The following ANKRD11 variants were observed in gnomAD, a reference collection of about 807,000 sequenced individuals.
ANKRD11 encodes ankyrin repeat domain-containing protein 11.
A neutral mutation model predicts 195.7 loss-of-function variants in ANKRD11; 17 were observed. The ratio of observed to expected loss-of-function variants is 0.09; its 90% CI spans 0.06 to 0.13. The LOEUF (loss-of-function observed/expected upper bound fraction) is 0.13, where lower values mean the gene tolerates loss of function less well. Ranked by LOEUF, ANKRD11 falls within the 10% of genes least tolerant of loss-of-function variation. The pLI, the probability that ANKRD11 is intolerant of heterozygous loss-of-function variation, is 1.00. For synonymous variants in ANKRD11, 1,953 were observed against 1,528.1 expected (o/e 1.28, Z -6.49); for missense variants, 3,735 against 3,566.1 (o/e 1.05, Z -1.21).
At chr16:89,377,535 A>G (rs1385920011) in intron 2 of ANKRD11, among the ~76,000 whole-genome samples, 2 of 152,154 alleles carry the variant, frequency 1.3e-5, no homozygotes, top group Admixed American at 6.5e-5. Context: ...CTCAAGAGCT[A>G]AGAGATACCA....
intron 2 of ANKRD11, among the ~76,000 whole-genome samples, chr16:89,406,456 G>T (rs558984016): frequency 6.6e-6 from 1 of 152,188 alleles, no homozygotes; most frequent in African/African-American, 2.4e-5. Context: ...TGAGAAGGCC[G>T]CACGGGCAAA....
intron 4 of ANKRD11, among the ~76,000 whole-genome samples, chr16:89,295,617 A>T (rs2035364102): frequency 6.6e-6 from 1 of 151,892 alleles, no homozygotes; most frequent in South Asian, 2.1e-4. Flanking sequence ...TGCTTTTGGG[A>T]GCTGGAGCCC....
intron 2 of ANKRD11, chr16:89,412,385 C>G (rs1459366353): frequency 6.6e-6 from 1 of 152,354 alleles, no homozygotes; most frequent in African/African-American, 2.4e-5. Flanking sequence ...CGTGCCCCAT[C>G]CCTCCCCTCA....
At position 89,280,394 on chromosome 16, in the gene ANKRD11, T is replaced by TGGAGATGGCGGC. The variant is rs1281100637; in HGVS notation, c.6136_6147dup (p.Ala2046_Ser2049dup). 1 of 1,561,308 alleles carries TGGAGATGGCGGC rather than the reference T, an allele frequency of 6.4e-7. No individual in the cohort carries two copies. Among genetic ancestry groups the TGGAGATGGCGGC allele is most frequent in the East Asian group, 2.3e-5 (1 of 44,260 alleles). ...GGGGCGTAGGGAGCCGCCTCTGAGG[T>TGGAGATGGCGGC]GGAGATGGCGGCGGGGACGGCGTCC... On this transcript the variant is annotated inframe_insertion, in exon 9 of 13. Transcript: ENST00000301030.
Position 89,285,762 on chromosome 16 carries a change from C to G in ANKRD11, c.893-113G>C. On this transcript the variant is annotated intron_variant, in intron 8 of 12. Coordinates refer to ENST00000301030, the MANE Select transcript of ANKRD11 (RefSeq NM_013275.6). The surrounding 1 kb of genome is among the most constrained non-coding windows in gnomAD (Gnocchi z 5.6). ...CTGCGGGAAGGTTCCCACCCTGCCTCTGCAGAGACACTTTGCTCGACTCAT... is the reference window on the plus strand; with the variant it reads ...CTGCGGGAAGGTTCCCACCCTGCCTGTGCAGAGACACTTTGCTCGACTCAT... 3 of 1,247,532 alleles carry G rather than the reference C, an allele frequency of 2.4e-6. No homozygotes were observed. The highest frequency in any genetic ancestry group is 3.5e-6 in the Non-Finnish European group (3 of 862,836). The allele number at this position is 1,247,532 out of a possible 1,614,324, so 77.3% of individuals were successfully genotyped here.
chr16:89,288,275 T>C, intron 7 of ANKRD11: 4 of 659,314 alleles, frequency 6.1e-6, no homozygotes, highest in Non-Finnish European at 1.1e-5. Context: ...CAACCAGACC[T>C]ACACGGCTAG....
At chr16:89,409,310 T>G (rs1366610415) in intron 2 of ANKRD11, among the ~76,000 whole-genome samples, 1 of 152,160 alleles carries the variant, frequency 6.6e-6, no homozygotes, top group Non-Finnish European at 1.5e-5. Flanking sequence ...CCCCACAGGT[T>G]CTAGCACTCC....
chr16:89,418,148 C>T, intron 2 of ANKRD11, 136 bp downstream of exon 2: 3 of 395,504 alleles, frequency 7.6e-6, no homozygotes, highest in Admixed American at 2.6e-5. Context: ...AAATCCAGAA[C>T]AAAATTCACA....
chr16:89,280,848 C>A lies in ANKRD11; in HGVS notation c.5694G>T (p.Leu1898=), dbSNP rs771476134. ...AKPSPSPRAE[L]LVPSLEGALP... Reference sequence around the variant, plus strand: ...GGGCCCCTTCGAGGGAAGGAACCAGCAGCTCGGCTCTGGGGGAAGGGGAAG... The same window carrying A: ...GGGCCCCTTCGAGGGAAGGAACCAGAAGCTCGGCTCTGGGGGAAGGGGAAG... Residue 1898 remains leucine (L), a synonymous_variant, in exon 9 of 13, where the codon CTG becomes CTT. Coordinates refer to ENST00000301030, the MANE Select transcript of ANKRD11 (RefSeq NM_013275.6). 1.1e-4 allele frequency: 173 copies of A among 1,602,720 alleles called. No homozygotes were observed. The highest frequency in any genetic ancestry group is 3.9e-4 in the Admixed American group (23 of 59,402).
At chr16:89,406,064 C>T (rs1329649770) in intron 2 of ANKRD11, among the ~76,000 whole-genome samples, 6 of 146,826 alleles carry the variant, frequency 4.1e-5, no homozygotes, top group Non-Finnish European at 7.4e-5. Context: ...GAACCAAGAT[C>T]GCATAACTGC....
In ANKRD11 at chr16:89,291,379, C is replaced by T. The variant is rs1271787848; in HGVS notation, c.227-196G>A. Reference sequence around the variant, plus strand: ...CGCCCACCTCACCTCTCAGCAGTGACTGTGAGACCATTTAAACACCTCGTT... The same window carrying T: ...CGCCCACCTCACCTCTCAGCAGTGATTGTGAGACCATTTAAACACCTCGTT... On this transcript the variant is annotated intron_variant, in intron 4 of 12. Coordinates refer to ENST00000301030, the MANE Select transcript of ANKRD11 (RefSeq NM_013275.6). The surrounding 1 kb of genome is among the most constrained non-coding windows in gnomAD (Gnocchi z 5.3). 6.6e-6 allele frequency among the ~76,000 whole-genome samples: 1 copy of T among 152,204 alleles called. No individual in the cohort carries two copies. Among genetic ancestry groups the T allele is most frequent in the African/African-American group, 2.4e-5 (1 of 41,442 alleles).
chr16:89,351,067 A>C (rs2039193076), intron 2 of ANKRD11, among the ~76,000 whole-genome samples: 1 of 152,160 alleles, frequency 6.6e-6, no homozygotes, highest in East Asian at 1.9e-4. Flanking sequence ...ACCGCTATTA[A>C]AATTGATGCA....
In ANKRD11 at chr16:89,282,546, G is replaced by C. The variant is rs758348566; in HGVS notation, c.3996C>G (p.Asp1332Glu). 1.2e-6 allele frequency: 2 copies of C among 1,614,004 alleles called. No individual in the cohort carries two copies. The highest frequency in any genetic ancestry group is 1.7e-6 in the Non-Finnish European group (2 of 1,179,966). ...GGAGGCAGGCGCTCTCCCTCGGCTT[G>C]TCGTCTCCAGGTGGCTCCGTGAAAG... ...EVSFTEPPGD[D>E]KPRESACLPE... Residue 1332 changes from aspartate (D) to glutamate (E), a missense_variant, in exon 9 of 13, where the codon GAC (aspartate) becomes GAG (glutamate). Asp to Glu is a conservative substitution (Grantham distance 45). Coordinates refer to ENST00000301030, the MANE Select transcript of ANKRD11 (RefSeq NM_013275.6).
rs569708327 is a variant in ANKRD11 at position 89,428,076 on chromosome 16, C to T, written c.-144-9708G>A. On this transcript the variant is annotated intron_variant, in intron 1 of 12. Transcript: ENST00000301030. ...TACAAAAATTAGCCAGACATGGTGG[C>T]GCGCGCCTGTAATCCCAGCTACTCG... Among the ~76,000 whole-genome samples, 727 of 151,282 alleles carry T rather than the reference C, an allele frequency of 4.8e-3. 10 individuals carry two copies. Among genetic ancestry groups the T allele is most frequent in the Non-Finnish European group, 1.6e-3 (107 of 67,876 alleles).
chr16:89,330,926 T>C (rs2038032227), intron 2 of ANKRD11, among the ~76,000 whole-genome samples: 1 of 152,108 alleles, frequency 6.6e-6, no homozygotes. Context: ...AGGACAAAAA[T>C]TAAAATTTTG....
At chr16:89,377,268 G>GGAGA (rs141718850) in intron 2 of ANKRD11, among the ~76,000 whole-genome samples, 4 of 150,478 alleles carry the variant, frequency 2.7e-5, no homozygotes, top group Middle Eastern at 3.2e-3. Flanking sequence ...TGTCAACATG[G>GGAGA]GAGAGAGAGA....
At chr16:89,345,768 C>T (rs934661298) in intron 2 of ANKRD11, among the ~76,000 whole-genome samples, 37 of 152,096 alleles carry the variant, frequency 2.4e-4, no homozygotes, top group Non-Finnish European at 8.8e-5. Context: ...GCTGTGCACA[C>T]CAGGTACATG....
intron 3 of ANKRD11, among the ~76,000 whole-genome samples, chr16:89,316,022 C>T (rs966225494): frequency 1.3e-5 from 2 of 152,056 alleles, no homozygotes; most frequent in African/African-American, 2.4e-5. Flanking sequence ...CAGGGACCAC[C>T]GAGGGTCAGA....
rs572806100 is a variant in ANKRD11, at chr16:89,283,200, G to A, written c.3342C>T (p.Tyr1114=). The change falls in exon 9 of 13, where the codon TAC becomes TAT. Residue 1114 remains tyrosine, a synonymous_variant. Transcript: ENST00000301030. The surrounding 1 kb of genome is among the most constrained non-coding windows in gnomAD (Gnocchi z 4.3). ...DDKKGKEKSW[Y]IADIFTDESE... is the part of the protein sequence containing the mutation. ...TCTCATCTGTGAAGATGTCTGCGATGTACCAGCTTTTCTCTTTGCCTTTCT... is the reference window on the plus strand; with the variant it reads ...TCTCATCTGTGAAGATGTCTGCGATATACCAGCTTTTCTCTTTGCCTTTCT... 3.3e-5 allele frequency: 54 copies of A among 1,614,110 alleles called. No individual in the cohort carries two copies. In the South Asian group the frequency reaches 5.3e-4, roughly 16 times the overall value.
Sources: gnomAD v4.1 joint callset for allele counts (sites outside exome capture counted in the v4.1 genomes callset) on GRCh38, gnomAD v4.1.1 for gene constraint, Gnocchi (gnomAD v3.1) non-coding constraint, MANE v1.5 for transcripts, NCBI Gene and HGNC (gene_info 2026-07-23, HGNC 2026-07-21) for gene names.